The following ZNF407 variants were observed in gnomAD, a reference collection of about 807,000 sequenced individuals.
ZNF407 encodes the protein zinc finger protein 407.
Under a neutral mutation model 131.2 loss-of-function variants are expected in ZNF407, and 17 were observed. The ratio of observed to expected loss-of-function variants is 0.13; its 90% CI spans 0.09 to 0.19. The LOEUF is 0.19. Among genes scored for constraint, ZNF407 ranks in the 10% least tolerant of loss-of-function variants. The probability of loss-of-function intolerance (pLI) is 1.00; values close to 1 mark genes in which losing one functional copy is unlikely to be tolerated. For synonymous variants in ZNF407, 1,156 were observed against 1,062.0 expected, an observed-to-expected ratio of 1.09 and a Z score of -1.72; for missense variants, 2,681 against 2,830.6, an observed-to-expected ratio of 0.95 and a Z score of 1.20.
At chr18:74,691,587 A>G (rs1967224736) in intron 3 of ZNF407, among the ~76,000 whole-genome samples, 1 of 151,682 alleles carries the variant, frequency 6.6e-6, no homozygotes, top group Non-Finnish European at 1.5e-5. Flanking sequence ...CTTGTATCTA[A>G]TATATATTAA....
At chr18:74,602,917 G>T (rs1982644312) in intron 1 of ZNF407, among the ~76,000 whole-genome samples, 1 of 149,066 alleles carries the variant, frequency 6.7e-6, no homozygotes, top group African/African-American at 2.5e-5. Context: ...GGGAGTTGGG[G>T]GCAGGGAAAA....
chr18:74,769,261 A>G (rs1262155917), intron 3 of ZNF407, among the ~76,000 whole-genome samples: 2 of 152,144 alleles, frequency 1.3e-5, no homozygotes, highest in African/African-American at 4.8e-5. Flanking sequence ...TACCAAGCAC[A>G]TCTGTGTGTG....
chr18:74,943,486 A>G (rs1019606615), intron 8 of ZNF407, among the ~76,000 whole-genome samples: 1 of 152,218 alleles, frequency 6.6e-6, no homozygotes, highest in Non-Finnish European at 1.5e-5. Flanking sequence ...TGTCACCCAT[A>G]AGGCGTAGAA....
chr18:74,627,666 G>A (rs1274919435), intron 1 of ZNF407, among the ~76,000 whole-genome samples: 2 of 152,078 alleles, frequency 1.3e-5, no homozygotes, highest in East Asian at 3.9e-4. Flanking sequence ...TGCAATACCA[G>A]TCTCTTGATT....
At chr18:74,767,485 G>A (rs1335058253) in intron 3 of ZNF407, among the ~76,000 whole-genome samples, 1 of 151,842 alleles carries the variant, frequency 6.6e-6, no homozygotes, top group Non-Finnish European at 1.5e-5. Flanking sequence ...GCATCCTATT[G>A]TGTTCTAATT....
chr18:74,938,739 T>C (rs1972066188), intron 8 of ZNF407, among the ~76,000 whole-genome samples: 1 of 152,208 alleles, frequency 6.6e-6, no homozygotes, highest in African/African-American at 2.4e-5. Context: ...TGCTGACCCA[T>C]AGACTAAAGC....
chr18:74,770,265 A>G (rs1969333064), intron 3 of ZNF407, among the ~76,000 whole-genome samples: 1 of 152,066 alleles, frequency 6.6e-6, no homozygotes, highest in South Asian at 2.1e-4. Context: ...TGGGTGTGGT[A>G]TGCTCACCTG....
chr18:75,004,830 T>C (rs1972889229), intron 8 of ZNF407, among the ~76,000 whole-genome samples: 1 of 152,236 alleles, frequency 6.6e-6, no homozygotes, highest in South Asian at 2.1e-4. Context: ...AGTGCTTTCC[T>C]TAGCTACCCC....
chr18:74,828,038 C>G (rs567235718), intron 4 of ZNF407, among the ~76,000 whole-genome samples: 12 of 152,282 alleles, frequency 7.9e-5, no homozygotes, highest in Admixed American at 5.2e-4. Context: ...CTCAGGTGCT[C>G]CCTTCTCCTG....
chr18:74,832,203 T>C (rs1013116709), intron 4 of ZNF407, among the ~76,000 whole-genome samples: 5 of 152,178 alleles, frequency 3.3e-5, no homozygotes, highest in African/African-American at 1.2e-4. Flanking sequence ...TACGTGCCTT[T>C]CAGGAACCCA....
intron 8 of ZNF407, among the ~76,000 whole-genome samples, chr18:74,944,317 A>G (rs1021686894): frequency 3.9e-5 from 6 of 152,226 alleles, no homozygotes; most frequent in East Asian, 3.8e-4. Flanking sequence ...TGACTGTTCT[A>G]TTACCTGACA....
At chr18:75,060,805 G>A (rs1386233547) in intron 8 of ZNF407, among the ~76,000 whole-genome samples, 3 of 152,186 alleles carry the variant, frequency 2.0e-5, no homozygotes, top group Non-Finnish European at 4.4e-5. Context: ...GCGCCCGGCC[G>A]CAGCTCTTTT....
At chr18:74,711,255 T>C (rs1967754392) in intron 3 of ZNF407, among the ~76,000 whole-genome samples, 1 of 152,192 alleles carries the variant, frequency 6.6e-6, no homozygotes, top group East Asian at 1.9e-4. Flanking sequence ...AGAGTGTCCA[T>C]GTCCTCATCC....
intron 1 of ZNF407, among the ~76,000 whole-genome samples, chr18:74,627,395 A>G (rs73973926): frequency 0.027 from 4,102 of 152,106 alleles, 166 homozygotes; most frequent in African/African-American, 0.088. Context: ...AAATGGGTGC[A>G]TGATTCTTTC....
Position 74,685,234 on chromosome 18 carries a change from C to T in ZNF407, c.4802+44112C>T, listed in dbSNP as rs563909293. Among the ~76,000 whole-genome samples the T allele has an allele frequency of 9.9e-5, 15 of 152,126 alleles. No homozygotes were observed. The East Asian group carries it at 2.9e-3, about 29-fold the overall frequency. ...CAGGGAATATGAAGTATAATGCCTT[C>T]TGTTATCATGGCTTTAGGAGGAATT... On this transcript the variant is annotated intron_variant, in intron 3 of 8. Coordinates refer to ENST00000299687, the MANE Select transcript of ZNF407 (RefSeq NM_017757.3).
At chr18:74,612,414 A>T (rs527923496) in intron 1 of ZNF407, among the ~76,000 whole-genome samples, 1 of 152,186 alleles carries the variant, frequency 6.6e-6, no homozygotes, top group Non-Finnish European at 1.5e-5. Flanking sequence ...AGTTTTTTGT[A>T]TATACCAAAT....
At chr18:74,796,958 A>T (rs142956738) in intron 4 of ZNF407, among the ~76,000 whole-genome samples, 424 of 152,314 alleles carry the variant, frequency 2.8e-3, no homozygotes, top group Non-Finnish European at 5.1e-3. Context: ...AGCAAGTTTG[A>T]CAAGACCTGC....
intron 3 of ZNF407, among the ~76,000 whole-genome samples, chr18:74,773,204 A>G (rs1302798688): frequency 6.6e-6 from 1 of 152,200 alleles, no homozygotes; most frequent in Non-Finnish European, 1.5e-5. Context: ...AGAGGATAAG[A>G]TGAGGAACGA....
rs554116618 is a variant in ZNF407, at chr18:74,712,517, C to T, written c.4803-68911C>T. Among the ~76,000 whole-genome samples the T allele has an allele frequency of 1.9e-3, 290 of 152,334 alleles. 5 individuals carry two copies. The highest frequency in any genetic ancestry group is 6.2e-3 in the African/African-American group (256 of 41,574). Reference sequence around the variant, plus strand: ...CATGGCGAAGCCATCCAAGTGGTCACATCTCCCACCCCTGAGATTTGTATG... The same window carrying T: ...CATGGCGAAGCCATCCAAGTGGTCATATCTCCCACCCCTGAGATTTGTATG... On this transcript the variant is annotated intron_variant, in intron 3 of 8. Coordinates refer to ENST00000299687, the MANE Select transcript of ZNF407 (RefSeq NM_017757.3).
Sources: gnomAD v4.1 joint callset for allele counts (sites outside exome capture counted in the v4.1 genomes callset) on GRCh38, gnomAD v4.1.1 for gene constraint, MANE v1.5 for transcripts, NCBI Gene and HGNC (gene_info 2026-07-23, HGNC 2026-07-21) for gene names.